Variants in GALNTL6 observed in about 807,000 individuals in gnomAD.
The protein encoded by GALNTL6 is polypeptide N-acetylgalactosaminyltransferase-like 6.
GALNTL6 carries 46 observed loss-of-function variants against 73.7 expected under a neutral mutation model. The ratio of observed to expected loss-of-function variants is 0.62; its 90% CI spans 0.49 to 0.80. The LOEUF (loss-of-function observed/expected upper bound fraction) is 0.80. Among genes scored for constraint, GALNTL6 ranks in the 30% least tolerant of loss-of-function variants. The pLI is 0.00. For missense variants in GALNTL6, 604 were observed against 755.0 expected, an observed-to-expected ratio of 0.80 and a Z score of 2.34; for synonymous variants, 259 against 263.7, an observed-to-expected ratio of 0.98 and a Z score of 0.17.
intron 11 of GALNTL6, among the ~76,000 whole-genome samples, chr4:173,012,067 C>G (rs1210519257): frequency 6.6e-6 from 1 of 152,178 alleles, no homozygotes; most frequent in Non-Finnish European, 1.5e-5. Flanking sequence ...CCAAGCTCAC[C>G]TAACCCTTTT....
chr4:172,060,657 A>C (rs1330223667), intron 2 of GALNTL6, among the ~76,000 whole-genome samples: 1 of 152,184 alleles, frequency 6.6e-6, no homozygotes, highest in Non-Finnish European at 1.5e-5. Flanking sequence ...CACATAGAAC[A>C]ATTTAATTAT....
At chr4:172,620,045 A>AT (rs1175069878) in intron 5 of GALNTL6, among the ~76,000 whole-genome samples, 11 of 151,902 alleles carry the variant, frequency 7.2e-5, no homozygotes, top group East Asian at 5.8e-4. Flanking sequence ...TTTGGGACCT[A>AT]TTTTTTTTCC....
intron 5 of GALNTL6, among the ~76,000 whole-genome samples, chr4:172,767,675 T>TTC (rs1738518903): frequency 6.8e-6 from 1 of 147,708 alleles, no homozygotes; most frequent in Non-Finnish European, 1.5e-5. Context: ...TTCTTTTTTT[T>TTC]TTTTTTTTTT....
chr4:171,889,822 A>G (rs967498315), intron 2 of GALNTL6, among the ~76,000 whole-genome samples: 1 of 152,112 alleles, frequency 6.6e-6, no homozygotes, highest in Non-Finnish European at 1.5e-5. Context: ...TTTATAGCAG[A>G]GCAGTTGCAG....
chr4:172,856,266 GC>G, intron 7 of GALNTL6, among the ~76,000 whole-genome samples: 1 of 152,240 alleles, frequency 6.6e-6, no homozygotes, highest in Middle Eastern at 3.4e-3. Flanking sequence ...TGAAATTAAA[GC>G]CAGCTCAAAA....
chr4:172,087,896 A>G (rs1455454448), intron 2 of GALNTL6, among the ~76,000 whole-genome samples: 2 of 152,198 alleles, frequency 1.3e-5, no homozygotes, highest in African/African-American at 4.8e-5. Flanking sequence ...TTAGTTAATT[A>G]GCCATAGTTA....
chr4:172,744,034 G>A (rs1736955126), intron 5 of GALNTL6, among the ~76,000 whole-genome samples: 1 of 152,074 alleles, frequency 6.6e-6, no homozygotes. Flanking sequence ...GAAACTCCAA[G>A]AGTTCTACTT....
intron 4 of GALNTL6, among the ~76,000 whole-genome samples, chr4:172,322,920 T>C (rs1006243138): frequency 6.6e-6 from 1 of 152,008 alleles, no homozygotes; most frequent in East Asian, 1.9e-4. Context: ...CCAACACGTA[T>C]ATAAGGGGCA....
chr4:172,106,245 A>AT (rs1732671809), intron 2 of GALNTL6, among the ~76,000 whole-genome samples: 1 of 152,128 alleles, frequency 6.6e-6, no homozygotes, highest in African/African-American at 2.4e-5. Flanking sequence ...GTTTGGTAAT[A>AT]TTTTGCATAC....
chr4:172,042,599 A>C (rs17057997), intron 2 of GALNTL6, among the ~76,000 whole-genome samples: 55 of 152,054 alleles, frequency 3.6e-4, no homozygotes, highest in African/African-American at 1.0e-3. Flanking sequence ...TCACAAGCGA[A>C]ATCCTCAGTT....
At chr4:172,879,774 G>T (rs963636181) in intron 7 of GALNTL6, among the ~76,000 whole-genome samples, 8 of 151,518 alleles carry the variant, frequency 5.3e-5, no homozygotes, top group Non-Finnish European at 1.0e-4. Context: ...AGACTAAAGA[G>T]AAATCAATGA....
At chr4:172,605,696 G>T (rs1259424799) in intron 5 of GALNTL6, among the ~76,000 whole-genome samples, 1 of 152,108 alleles carries the variant, frequency 6.6e-6, no homozygotes, top group Non-Finnish European at 1.5e-5. Context: ...TAGAATATAA[G>T]ATATAAATGA....
At chr4:172,524,619 G>A (rs908866502) in intron 5 of GALNTL6, among the ~76,000 whole-genome samples, 3 of 152,158 alleles carry the variant, frequency 2.0e-5, no homozygotes, top group Non-Finnish European at 4.4e-5. Flanking sequence ...ACTCGTATAA[G>A]TCTCAGTACA....
rs1170025951 is a variant in GALNTL6, at chr4:173,039,538, ATG to A, written c.1639-391_1639-390del. ...CGGACTAAAATACAATTTTTTGTGT[ATG>A]TGTTTCTTCCCAGATAGCTACATTA... On this transcript the variant is annotated intron_variant, in intron 12 of 12. Coordinates refer to ENST00000506823, the MANE Select transcript of GALNTL6 (RefSeq NM_001034845.3). Among the ~76,000 whole-genome samples, 3 of 152,162 alleles carry A rather than the reference ATG, an allele frequency of 2.0e-5. No homozygotes were observed. The East Asian group carries it at 5.8e-4, about 29-fold the overall frequency.
At chr4:172,911,070 G>T (rs1431583906) in intron 8 of GALNTL6, among the ~76,000 whole-genome samples, 1 of 152,196 alleles carries the variant, frequency 6.6e-6, no homozygotes, top group Non-Finnish European at 1.5e-5. Context: ...CACTGTCAAA[G>T]AACCTCAGTA....
intron 5 of GALNTL6, among the ~76,000 whole-genome samples, chr4:172,546,618 T>A (rs373070993): frequency 2.5e-4 from 38 of 151,438 alleles, no homozygotes; most frequent in African/African-American, 8.5e-4. Flanking sequence ...TAGGAGTAGA[T>A]GCCATCCGTA....
At chr4:172,895,785 C>A (rs1746293976) in intron 8 of GALNTL6, among the ~76,000 whole-genome samples, 2 of 152,072 alleles carry the variant, frequency 1.3e-5, no homozygotes, top group South Asian at 4.2e-4. Flanking sequence ...TCCCATAGAT[C>A]CCATAAGCTT....
intron 2 of GALNTL6, among the ~76,000 whole-genome samples, chr4:172,061,971 A>G (rs2110883001): frequency 7.5e-6 from 1 of 134,072 alleles, no homozygotes; most frequent in East Asian, 2.1e-4. Flanking sequence ...TTTTTGAGAC[A>G]GAGTCTTGCT....
intron 2 of GALNTL6, among the ~76,000 whole-genome samples, chr4:172,180,456 G>A (rs919530953): frequency 3.3e-5 from 5 of 151,672 alleles, no homozygotes; most frequent in Admixed American, 6.6e-5. Flanking sequence ...ATTTTAATTC[G>A]ATCCCATTTG....
Sources: gnomAD v4.1 joint callset for allele counts (sites outside exome capture counted in the v4.1 genomes callset) on GRCh38, gnomAD v4.1.1 for gene constraint, MANE v1.5 for transcripts, NCBI Gene and HGNC (gene_info 2026-07-23, HGNC 2026-07-21) for gene names.